Variants in DGCR8 observed in about 807,000 individuals in gnomAD.
DGCR8 encodes DGCR8 microprocessor complex subunit.
DGCR8 carries 14 observed loss-of-function variants against 78.5 expected under a neutral mutation model. The ratio of observed to expected loss-of-function variants is 0.18; its 90% CI spans 0.12 to 0.28. The LOEUF (loss-of-function observed/expected upper bound fraction) is 0.28. Among genes scored for constraint, DGCR8 ranks in the 10% least tolerant of loss-of-function variants. The pLI is 1.00. For synonymous variants in DGCR8, 399 were observed against 402.4 expected (o/e 0.99, Z 0.10); for missense variants, 702 against 1,022.5 (o/e 0.69, Z 4.28).
At chr22:20,088,605 CTG>C (rs1421461381) in intron 3 of DGCR8, among the ~76,000 whole-genome samples, 2 of 148,332 alleles carry the variant, frequency 1.3e-5, no homozygotes, top group Non-Finnish European at 2.9e-5. Flanking sequence ...TGGCCTGACT[CTG>C]TGGGGAGAGA....
Position 20,091,439 on chromosome 22 carries a change from C to T in DGCR8, c.1311C>T (p.Leu437=), listed in dbSNP as rs752529619. 29 of 1,614,006 alleles carry T rather than the reference C, an allele frequency of 1.8e-5. No homozygotes were observed. The highest frequency in any genetic ancestry group is 1.3e-4 in the East Asian group (6 of 44,888). Residue 437 remains leucine (L), a synonymous_variant, in exon 6 of 14, where the codon CTC becomes CTT. Coordinates refer to ENST00000351989, the MANE Select transcript of DGCR8 (RefSeq NM_022720.7). The stretch of plus-strand genomic sequence containing the variant: ...TCTCTGGTAAATCTGGGACAGATCT[C>T]GAGGAATTTCGAAGCTACCTGGAGA... The part of the protein sequence containing the change: ...VEVCKDESVD[L]EEFRSYLEKR...
chr22:20,107,518 T>TC, intron 12 of DGCR8, 120 bp downstream of exon 12: 2 of 1,266,898 alleles, frequency 1.6e-6, no homozygotes, highest in Non-Finnish European at 2.2e-6. Flanking sequence ...CAGCTGCCTC[T>TC]CTCCTGGGCC....
Position 20,091,415 on chromosome 22 carries a change from C to T in DGCR8, c.1307-20C>T. 1 of 1,613,340 alleles carries T rather than the reference C, an allele frequency of 6.2e-7. No homozygotes were observed. On this transcript the variant is annotated intron_variant, in intron 5 of 13. Coordinates refer to ENST00000351989, the MANE Select transcript of DGCR8 (RefSeq NM_022720.7). ...ATGTTGGAAGTTAAGTAATTTGTTT[C>T]TCTGGTAAATCTGGGACAGATCTCG... is the stretch of plus-strand genomic sequence containing the variant.
At chr22:20,101,732 C>T (rs1602492827) in intron 9 of DGCR8, 3 of 985,400 alleles carry the variant, frequency 3.0e-6, no homozygotes, top group Non-Finnish European at 3.6e-6. Context: ...TGCTGGTCCT[C>T]CCTAGCGAGG....
intron 12 of DGCR8, chr22:20,108,592 A>G (rs2049797200): frequency 3.2e-6 from 1 of 309,954 alleles, no homozygotes; most frequent in Admixed American, 4.2e-5. Flanking sequence ...TCTGGGCACC[A>G]CGAGCACCTC....
At chr22:20,094,612 T>G in intron 8 of DGCR8, 101 bp from the exon 9 acceptor site, 12 of 1,076,424 alleles carry the variant, frequency 1.1e-5, no homozygotes, top group African/African-American at 1.6e-5. Context: ...GCTCAGCCTC[T>G]GAGCTGTGGG....
rs568489452 is a variant in DGCR8 at position 20,096,367 on chromosome 22, G to A, written c.1788+1572G>A. The A allele has an allele frequency of 3.0e-3, 2,669 of 895,082 alleles. 9 individuals are homozygous for A. Among genetic ancestry groups the A allele is most frequent in the Non-Finnish European group, 3.4e-3 (2,518 of 747,672 alleles). 55.4% of individuals were successfully genotyped at this position (895,082 alleles called of 1,614,324 possible). A position where few individuals can be genotyped will look rare whatever the true frequency, so the allele number is the denominator to read the frequency against. On this transcript the variant is annotated intron_variant, in intron 9 of 13. Transcript: ENST00000351989. ...GTGGCAGAGGCAGAAGAAAATTTTT[G>A]TATAAGTGGGCCCATGGAGTTCAAA...
chr22:20,101,900 G>A (rs1329129186), intron 9 of DGCR8: 8 of 985,362 alleles, frequency 8.1e-6, no homozygotes, highest in Non-Finnish European at 9.6e-6. Flanking sequence ...GGAGGGGCGG[G>A]TTGATGCCTG....
At chr22:20,088,122 AC>A (rs1375268154) in intron 3 of DGCR8, among the ~76,000 whole-genome samples, 1 of 152,130 alleles carries the variant, frequency 6.6e-6, no homozygotes, top group Non-Finnish European at 1.5e-5. Flanking sequence ...GGCGGGTGGC[AC>A]ATGGCCATCC....
chr22:20,102,939 C>T (rs757628993), intron 9 of DGCR8, among the ~76,000 whole-genome samples: 9 of 152,074 alleles, frequency 5.9e-5, no homozygotes, highest in Non-Finnish European at 1.3e-4. Context: ...TCGAGACCTG[C>T]CTGGCCAACA....
chr22:20,104,322 G>T (rs1029699537), intron 9 of DGCR8, among the ~76,000 whole-genome samples: 19 of 152,204 alleles, frequency 1.2e-4, no homozygotes, highest in Middle Eastern at 3.4e-3. Context: ...CTGCCACCGC[G>T]CCCGGCTAAT....
At position 20,087,834 on chromosome 22, in the gene DGCR8, T is replaced by G. The variant is rs1232431473; in HGVS notation, c.880+513T>G. Among the ~76,000 whole-genome samples the G allele has an allele frequency of 1.3e-5, 2 of 152,166 alleles. No homozygotes were observed. The highest frequency in any genetic ancestry group is 4.8e-5 in the African/African-American group (2 of 41,448). ...TCAGCTGGGCAGGGTGGAAGTGCCCTGGTCGACGTGGCACTTCCTCAACTT... is the reference window on the plus strand; with the variant it reads ...TCAGCTGGGCAGGGTGGAAGTGCCCGGGTCGACGTGGCACTTCCTCAACTT... On this transcript the variant is annotated intron_variant, in intron 3 of 13. Coordinates refer to ENST00000351989, the MANE Select transcript of DGCR8 (RefSeq NM_022720.7). This position sits in a 1 kb window ranked among gnomAD's most constrained non-coding sequence, Gnocchi z 4.1.
intron 9 of DGCR8, chr22:20,100,659 C>A: frequency 1.0e-6 from 1 of 985,388 alleles, no homozygotes; most frequent in Non-Finnish European, 1.2e-6. Context: ...CTCTGGGGTT[C>A]TTCTGTGAAG....
At chr22:20,094,932 G>C in intron 9 of DGCR8, 137 bp downstream of exon 9, 2 of 670,296 alleles carry the variant, frequency 3.0e-6, no homozygotes, top group Non-Finnish European at 5.2e-6. Context: ...CCAGCCTCCA[G>C]GTTCTTCTGT....
chr22:20,105,337 A>C (rs2049756883), intron 9 of DGCR8, among the ~76,000 whole-genome samples: 1 of 152,168 alleles, frequency 6.6e-6, no homozygotes, highest in Non-Finnish European at 1.5e-5. Context: ...CAGACTTCAG[A>C]ATGGTGAGAG....
At position 20,096,549 on chromosome 22, in the gene DGCR8, AT is replaced by A. The variant is rs1235042466; in HGVS notation, c.1788+1757del. ...TATTGAGATAGTTTACATACTATAAATTTGGCCTTTTAAACTATATAAGTGG... is the reference window on the plus strand; with the variant it reads ...TATTGAGATAGTTTACATACTATAAATTGGCCTTTTAAACTATATAAGTGG... On this transcript the variant is annotated intron_variant, in intron 9 of 13. Transcript: ENST00000351989. 3 of 934,372 alleles carry A rather than the reference AT, an allele frequency of 3.2e-6. No homozygotes were observed. The African/African-American group carries it at 5.3e-5, about 17-fold the overall frequency. 57.9% of individuals were successfully genotyped at this position (934,372 alleles called of 1,614,324 possible). A position where few individuals can be genotyped will look rare whatever the true frequency, so the allele number is the denominator to read the frequency against.
intron 9 of DGCR8, among the ~76,000 whole-genome samples, chr22:20,099,288 C>G (rs1222515486): frequency 6.6e-6 from 1 of 152,220 alleles, no homozygotes; most frequent in Non-Finnish European, 1.5e-5. Flanking sequence ...GGTTCTTGGC[C>G]AGCCTCTTGT....
chr22:20,090,141 T>A lies in DGCR8; in HGVS notation c.1189T>A (p.Ser397Thr). The A allele has an allele frequency of 6.2e-7, 1 of 1,614,202 alleles. No homozygotes were observed. The highest frequency in any genetic ancestry group is 8.5e-7 in the Non-Finnish European group (1 of 1,180,032). ...ELEFPLDEPD[S>T]MGADPGPPDE... ...GGAGTTTCCCCTGGATGAGCCTGAC[T>A]CTATGGGTGCTGACCCGGGGCCCCC... Residue 397 changes from serine to threonine, a missense_variant, in exon 5 of 14, where the codon TCT becomes ACT. This residue lies in a region of DGCR8 where 119 missense variants were observed against 126.1 expected (regional missense o/e 0.94). Transcript: ENST00000351989.
chr22:20,087,422 G>C lies in DGCR8; in HGVS notation c.880+101G>C. The stretch of plus-strand genomic sequence containing the variant: ...GAGAGAGCTCTGGTGCCAGGTAGTG[G>C]GCTGGGTGGAGGCATGTTTGAGGAC... On this transcript the variant is annotated intron_variant, in intron 3 of 13. Coordinates refer to ENST00000351989, the MANE Select transcript of DGCR8 (RefSeq NM_022720.7). This position sits in a 1 kb window ranked among gnomAD's most constrained non-coding sequence, Gnocchi z 4.1. 7.2e-7 allele frequency: 1 copy of C among 1,384,876 alleles called. No individual in the cohort carries two copies. 85.8% of individuals were successfully genotyped at this position (1,384,876 alleles called of 1,614,324 possible).
Sources: allele counts gnomAD v4.1 joint callset (sites outside exome capture counted in the v4.1 genomes callset), GRCh38; gene constraint gnomAD v4.1.1; regional missense constraint gnomAD v4.1.1; non-coding constraint Gnocchi (gnomAD v3.1); transcripts MANE v1.5; gene names NCBI Gene and HGNC (gene_info 2026-07-23, HGNC 2026-07-21).